The following ADGRD1 variants were observed in gnomAD, a reference collection of about 807,000 sequenced individuals.
ADGRD1 encodes G-protein coupled receptor 133.
Under a neutral mutation model 113.4 loss-of-function variants are expected in ADGRD1, and 77 were observed. That is an observed-to-expected ratio of 0.68 (90% CI 0.57 to 0.82). ADGRD1 has a LOEUF of 0.82. ADGRD1 is among the 40% of genes least tolerant of loss of function. The probability of loss-of-function intolerance (pLI) is 0.00; values close to 1 mark genes in which losing one functional copy is unlikely to be tolerated. For missense variants in ADGRD1, 1,036 were observed against 1,139.1 expected (o/e 0.91, Z 1.30); for synonymous variants, 474 against 475.0 (o/e 1.00, Z 0.03).
In ADGRD1 at chr12:131,140,098, T is replaced by C. The variant is rs1566149533; in HGVS notation, c.*835T>C. 1 of 152,262 alleles carries C rather than the reference T, an allele frequency of 6.6e-6. No individual in the cohort carries two copies. The highest frequency in any genetic ancestry group is 2.4e-5 in the African/African-American group (1 of 41,460). The allele number at this position is 152,262 out of a possible 1,614,324, so 9.4% of individuals were successfully genotyped here. ...CCTTAAGATGCCCTCCTCCCTCGTG[T>C]GCCAGCCTCCTTGGTTGTTCTTGGG... is the stretch of plus-strand genomic sequence containing the variant. On this transcript the variant is annotated 3_prime_UTR_variant, in exon 25 of 25. Transcript: ENST00000261654.
chr12:131,107,800 GA>G (rs2137343422), intron 17 of ADGRD1, among the ~76,000 whole-genome samples: 1 of 152,374 alleles, frequency 6.6e-6, no homozygotes, highest in South Asian at 2.1e-4. Flanking sequence ...ATGATGACAA[GA>G]AACACATTTA....
intron 20 of ADGRD1, among the ~76,000 whole-genome samples, chr12:131,123,039 G>GTTTTTTTTTTTTTTTTTTTTTTTTTTTT (rs552353187): frequency 1.4e-4 from 7 of 51,368 alleles, no homozygotes; most frequent in Admixed American, 3.5e-4. Context: ...TACCTGGGGA[G>GTTTTTTTTTTTTTTTTTTTTTTTTTTTT]TTTTTTTTTT....
chr12:131,058,276 G>C (rs993136953), intron 13 of ADGRD1, among the ~76,000 whole-genome samples: 2 of 152,122 alleles, frequency 1.3e-5, no homozygotes, highest in African/African-American at 4.8e-5. Flanking sequence ...TGGATTCTAG[G>C]GAAGCGTCGT....
chr12:131,103,416 C>G (rs551702450), intron 15 of ADGRD1, among the ~76,000 whole-genome samples: 1 of 152,376 alleles, frequency 6.6e-6, no homozygotes, highest in South Asian at 2.1e-4. Context: ...CCAGGCTGCC[C>G]CTACCCCAGC....
At chr12:130,978,781 A>G (rs1872624922) in intron 4 of ADGRD1, 2 of 152,264 alleles carry the variant, frequency 1.3e-5, no homozygotes, top group African/African-American at 4.8e-5. Flanking sequence ...ATTGAGTGAA[A>G]GAAATTTTAA....
At chr12:131,015,632 G>A (rs1314777759) in intron 13 of ADGRD1, among the ~76,000 whole-genome samples, 9 of 151,950 alleles carry the variant, frequency 5.9e-5, no homozygotes, top group African/African-American at 2.2e-4. Flanking sequence ...AGTTGGAGAT[G>A]GAGATGGGAA....
At chr12:131,018,198 C>T (rs1396945214) in intron 13 of ADGRD1, among the ~76,000 whole-genome samples, 3 of 152,186 alleles carry the variant, frequency 2.0e-5, no homozygotes, top group Non-Finnish European at 4.4e-5. Context: ...GCCCAGGCAG[C>T]CCCCTCCTCT....
intron 13 of ADGRD1, among the ~76,000 whole-genome samples, chr12:131,051,665 T>C (rs1028751118): frequency 4.6e-5 from 7 of 152,098 alleles, no homozygotes; most frequent in African/African-American, 1.7e-4. Flanking sequence ...TTTGCATATT[T>C]AGTAGAGGCG....
At chr12:131,094,081 A>G (rs1438764859) in intron 15 of ADGRD1, among the ~76,000 whole-genome samples, 1 of 150,100 alleles carries the variant, frequency 6.7e-6, no homozygotes, top group Non-Finnish European at 1.5e-5. Context: ...CCCAGCCCTG[A>G]GCACCCAGTC....
rs567437416 is a variant in ADGRD1, at chr12:131,057,175, G to A, written c.1474-19626G>A. 3.3e-5 allele frequency among the ~76,000 whole-genome samples: 5 copies of A among 152,324 alleles called. No individual in the cohort carries two copies. The highest frequency in any genetic ancestry group is 3.9e-4 in the East Asian group (2 of 5,180). On this transcript the variant is annotated intron_variant, in intron 13 of 24. Transcript: ENST00000261654. The surrounding 1 kb of genome is among the most constrained non-coding windows in gnomAD (Gnocchi z 4.2). ...CAGGAAATAATCACAGGCTACCCCC[G>A]CTGTGATAAACAGGTTTGAAGAACT...
chr12:131,000,239 ACT>A, intron 8 of ADGRD1, 142 bp from the exon 9 acceptor site: 1 of 667,748 alleles, frequency 1.5e-6, no homozygotes, highest in Non-Finnish European at 2.8e-6. Context: ...GTGGTCCATG[ACT>A]CAGCTATTTT....
rs1218986816 is a variant in ADGRD1 at position 131,065,917 on chromosome 12, C to T, written c.1474-10884C>T. ...TCCGGGGGTGGAGGAAGAGACCTGG[C>T]TCAGCCCTGGTCTTTGGGCCTCTCA... On this transcript the variant is annotated intron_variant, in intron 13 of 24. Coordinates refer to ENST00000261654, the MANE Select transcript of ADGRD1 (RefSeq NM_198827.5). 2.0e-5 allele frequency among the ~76,000 whole-genome samples: 3 copies of T among 152,160 alleles called. No individual in the cohort carries two copies. The East Asian group carries it at 5.8e-4, about 29-fold the overall frequency.
chr12:131,019,409 G>T (rs1297437515), intron 13 of ADGRD1, among the ~76,000 whole-genome samples: 1 of 152,342 alleles, frequency 6.6e-6, no homozygotes, highest in African/African-American at 2.4e-5. Context: ...TCGACACGAC[G>T]ATCGGTCAGA....
chr12:131,037,081 G>T (rs1341152969), intron 13 of ADGRD1, among the ~76,000 whole-genome samples: 19 of 141,868 alleles, frequency 1.3e-4, no homozygotes, highest in Admixed American at 7.1e-4. Context: ...ACTGCACCGG[G>T]TCTCACTCAC....
rs75982023 is a variant in ADGRD1 at position 130,965,861 on chromosome 12, A to C, written c.104-602A>C. On this transcript the variant is annotated intron_variant, in intron 2 of 24. Coordinates refer to ENST00000261654, the MANE Select transcript of ADGRD1 (RefSeq NM_198827.5). This position sits in a 1 kb window ranked among gnomAD's most constrained non-coding sequence, Gnocchi z 4.8. ...GGGAAAATAGAATGACCAGGATTAA[A>C]TTGAGAAAGTGAGTATTGCGTCTAC... 9.0e-3 allele frequency among the ~76,000 whole-genome samples: 1,378 copies of C among 152,354 alleles called. 28 individuals carry two copies. The highest frequency in any genetic ancestry group is 0.032 in the African/African-American group (1,326 of 41,582).
chr12:131,084,417 G>T lies in ADGRD1; in HGVS notation c.1548-123G>T. The T allele has an allele frequency of 1.0e-6, 1 of 983,596 alleles. No homozygotes were observed. The highest frequency in any genetic ancestry group is 1.6e-6 in the Non-Finnish European group (1 of 639,716). The allele number at this position is 983,596 out of a possible 1,614,324, so 60.9% of individuals were successfully genotyped here. On this transcript the variant is annotated intron_variant, in intron 14 of 24. Coordinates refer to ENST00000261654, the MANE Select transcript of ADGRD1 (RefSeq NM_198827.5). The surrounding 1 kb of genome is among the most constrained non-coding windows in gnomAD (Gnocchi z 4.5). ...CACGGTCTGGGTGTGCATTCCTGGCGTGGCAGGTGTGGGCGCCGCCATGAG... is the reference window on the plus strand; with the variant it reads ...CACGGTCTGGGTGTGCATTCCTGGCTTGGCAGGTGTGGGCGCCGCCATGAG...
In ADGRD1 at chr12:130,987,108, T is replaced by C. The variant is rs202160600; in HGVS notation, c.504T>C (p.Thr168=). Residue 168 remains threonine, a synonymous_variant, in exon 6 of 25, where the codon ACT becomes ACC. Coordinates refer to ENST00000261654, the MANE Select transcript of ADGRD1 (RefSeq NM_198827.5). ...ACTCTTTTCCAGGCCCCTATTGGAC[T>C]CATGTCCTATTTACATGGAAATCCA... The part of the protein sequence containing the change: ...ASFSPPGPYW[T]HVLFTWKSKE... 1.9e-5 allele frequency: 30 copies of C among 1,613,900 alleles called. No individual in the cohort carries two copies. In the East Asian group the frequency reaches 6.7e-4, roughly 36 times the overall value.
At position 131,004,183 on chromosome 12, in the gene ADGRD1, CAG is replaced by C. The variant is rs1876783790; in HGVS notation, c.1145_1146del. ...TTCCGCTCTCTCGCTCCTTCCACCG[CAG>C]AGTTTTCCGTGGCCAAAATCCTGCC... is the stretch of plus-strand genomic sequence containing the variant. On this transcript the variant is annotated splice_acceptor_variant, in intron 10 of 24. Coordinates refer to ENST00000261654, the MANE Select transcript of ADGRD1 (RefSeq NM_198827.5). LOFTEE classifies it high-confidence loss of function. 2 of 1,602,282 alleles carry C rather than the reference CAG, an allele frequency of 1.2e-6. No homozygotes were observed. Among genetic ancestry groups the C allele is most frequent in the South Asian group, 1.1e-5 (1 of 90,780 alleles).
intron 20 of ADGRD1, among the ~76,000 whole-genome samples, chr12:131,126,860 C>T (rs573848574): frequency 2.0e-5 from 3 of 152,158 alleles, no homozygotes; most frequent in East Asian, 1.9e-4. Context: ...GATTTGTAGT[C>T]GAGTGTGGGT....
Sources: gnomAD v4.1 joint callset for allele counts (sites outside exome capture counted in the v4.1 genomes callset) on GRCh38, gnomAD v4.1.1 for gene constraint, Gnocchi (gnomAD v3.1) non-coding constraint, MANE v1.5 for transcripts, NCBI Gene and HGNC (gene_info 2026-07-23, HGNC 2026-07-21) for gene names.